The following CACNG3 variants were observed in gnomAD, a reference collection of about 807,000 sequenced individuals.
CACNG3 encodes the protein calcium voltage-gated channel auxiliary subunit gamma 3.
In CACNG3, 3 loss-of-function variants were observed where a neutral mutation model predicts 28.5. The ratio of observed to expected loss-of-function variants is 0.11; its 90% CI spans 0.05 to 0.27. The LOEUF is 0.27. CACNG3 is among the 10% of genes least tolerant of loss of function. The pLI is 1.00. For synonymous variants in CACNG3, 174 were observed against 162.2 expected (o/e 1.07, Z -0.55); for missense variants, 236 against 414.4 (o/e 0.57, Z 3.74).
At chr16:24,293,758 A>G (rs1898995362) in intron 1 of CACNG3, among the ~76,000 whole-genome samples, 1 of 152,096 alleles carries the variant, frequency 6.6e-6, no homozygotes, top group African/African-American at 2.4e-5. Flanking sequence ...AGCTTTCTCA[A>G]GCTGAGGACC....
chr16:24,352,496 C>T (rs1899963518), intron 2 of CACNG3, among the ~76,000 whole-genome samples: 2 of 151,666 alleles, frequency 1.3e-5, no homozygotes, highest in African/African-American at 4.8e-5. Context: ...CTATGAAGGG[C>T]TTTTGCCTGG....
chr16:24,358,690 T>G (rs769268317), intron 3 of CACNG3, among the ~76,000 whole-genome samples: 1 of 152,228 alleles, frequency 6.6e-6, no homozygotes, highest in Non-Finnish European at 1.5e-5. Flanking sequence ...AGATCTTGTT[T>G]TCCCTAAGCC....
chr16:24,258,061 G>A (rs192664983), intron 1 of CACNG3, among the ~76,000 whole-genome samples: 4 of 152,300 alleles, frequency 2.6e-5, no homozygotes, highest in Admixed American at 1.3e-4. Context: ...TGTCACAGTG[G>A]TGGGCAAGGA....
intron 1 of CACNG3, among the ~76,000 whole-genome samples, chr16:24,313,134 G>T (rs1021256295): frequency 6.9e-6 from 1 of 144,844 alleles, no homozygotes. Context: ...AGTAAGCACT[G>T]AATAAATAGT....
rs1596617270 is a variant in CACNG3, at chr16:24,256,996, A to G, written c.211+31A>G. 2.3e-6 allele frequency: 3 copies of G among 1,332,140 alleles called. No individual in the cohort carries two copies. Among genetic ancestry groups the G allele is most frequent in the Non-Finnish European group, 3.2e-6 (3 of 923,440 alleles). The allele number at this position is 1,332,140 out of a possible 1,614,324, so 82.5% of individuals were successfully genotyped here. On this transcript the variant is annotated intron_variant, in intron 1 of 3. Coordinates refer to ENST00000005284, the MANE Select transcript of CACNG3 (RefSeq NM_006539.4). The surrounding 1 kb of genome is among the most constrained non-coding windows in gnomAD (Gnocchi z 4.6). ...TACAATTTCCTCTCAATAGCTCTGA[A>G]TAATCCAGTTCTGATATTCTGGTGG...
chr16:24,313,360 G>T (rs1315289797), intron 1 of CACNG3, among the ~76,000 whole-genome samples: 1 of 152,246 alleles, frequency 6.6e-6, no homozygotes, highest in Non-Finnish European at 1.5e-5. Flanking sequence ...ACAGCTTGAA[G>T]TAATACAGTT....
At chr16:24,263,350 C>T (rs562346929) in intron 1 of CACNG3, among the ~76,000 whole-genome samples, 22 of 152,198 alleles carry the variant, frequency 1.4e-4, no homozygotes, top group Middle Eastern at 3.4e-3. Flanking sequence ...TTGAACAAAA[C>T]TTGACATGAG....
chr16:24,274,165 C>A (rs111257345), intron 1 of CACNG3, among the ~76,000 whole-genome samples: 14 of 140,914 alleles, frequency 9.9e-5, no homozygotes, highest in Non-Finnish European at 1.7e-4. Context: ...CCAGCCTGGG[C>A]GACAGTGCGA....
chr16:24,285,859 T>C (rs2141353205), intron 1 of CACNG3, among the ~76,000 whole-genome samples: 1 of 149,954 alleles, frequency 6.7e-6, no homozygotes, highest in African/African-American at 2.4e-5. Context: ...TTTTTTTTTT[T>C]TTGAGATAGG....
chr16:24,354,931 CACA>C lies in CACNG3; in HGVS notation c.397_399del (p.Asn133del). The stretch of plus-strand genomic sequence containing the variant: ...AGCCAGTGAGTTCCACCGCAGCAGA[CACA>C]ACGTCATTCTCAGCGCGGGCATCTT... On this transcript the variant is annotated inframe_deletion, in exon 3 of 4. Transcript: ENST00000005284. 2.5e-6 allele frequency: 4 copies of C among 1,612,646 alleles called. No individual in the cohort carries two copies. The highest frequency in any genetic ancestry group is 1.1e-5 in the South Asian group (1 of 91,002).
intron 1 of CACNG3, among the ~76,000 whole-genome samples, chr16:24,303,527 T>A (rs1478089430): frequency 6.6e-6 from 1 of 152,086 alleles, no homozygotes. Flanking sequence ...CAGGGAATCT[T>A]CCTTTACTAC....
At chr16:24,272,794 C>A (rs1898707340) in intron 1 of CACNG3, among the ~76,000 whole-genome samples, 1 of 151,928 alleles carries the variant, frequency 6.6e-6, no homozygotes, top group South Asian at 2.1e-4. Flanking sequence ...CCACTTTATT[C>A]TTTTTGGTGC....
rs1899749832 is a variant in CACNG3 at position 24,339,220 on chromosome 16, T to A, written c.212-7514T>A. ...TTGTTTTCTTTGTATTATTTCTCTGTATTGAAAAAATATCATAGTAAATGT... is the reference window on the plus strand; with the variant it reads ...TTGTTTTCTTTGTATTATTTCTCTGAATTGAAAAAATATCATAGTAAATGT... On this transcript the variant is annotated intron_variant, in intron 1 of 3. Transcript: ENST00000005284. Among the ~76,000 whole-genome samples, 2 of 152,170 alleles carry A rather than the reference T, an allele frequency of 1.3e-5. 1 individual carries two copies. The highest frequency in any genetic ancestry group is 4.8e-5 in the African/African-American group (2 of 41,442).
intron 1 of CACNG3, among the ~76,000 whole-genome samples, chr16:24,310,540 G>A (rs1180334950): frequency 6.6e-6 from 1 of 151,208 alleles, no homozygotes; most frequent in Non-Finnish European, 1.5e-5. Context: ...CTCCAGCCTG[G>A]GTGGCAGAGC....
At chr16:24,305,788 T>A (rs1394765977) in intron 1 of CACNG3, among the ~76,000 whole-genome samples, 1 of 152,106 alleles carries the variant, frequency 6.6e-6, no homozygotes, top group East Asian at 1.9e-4. Flanking sequence ...ATTCTGCACA[T>A]GTATCCCAGA....
intron 1 of CACNG3, among the ~76,000 whole-genome samples, chr16:24,345,868 G>A (rs1009567257): frequency 6.6e-6 from 1 of 152,172 alleles, no homozygotes; most frequent in African/African-American, 2.4e-5. Flanking sequence ...AACATCATTG[G>A]GGAGAGTGGA....
intron 3 of CACNG3, among the ~76,000 whole-genome samples, chr16:24,355,201 G>A (rs974938284): frequency 4.6e-5 from 7 of 152,166 alleles, no homozygotes; most frequent in Admixed American, 1.3e-4. Context: ...GGCACGATCA[G>A]CTGAGATTGA....
At chr16:24,322,103 T>C (rs1017822887) in intron 1 of CACNG3, among the ~76,000 whole-genome samples, 6 of 152,024 alleles carry the variant, frequency 3.9e-5, no homozygotes, top group African/African-American at 1.5e-4. Context: ...GGAACCTGAA[T>C]TGGAAACCAG....
At position 24,344,680 on chromosome 16, in the gene CACNG3, A is replaced by G. The variant is rs548189309; in HGVS notation, c.212-2054A>G. Among the ~76,000 whole-genome samples, 3 of 152,252 alleles carry G rather than the reference A, an allele frequency of 2.0e-5. No homozygotes were observed. In the South Asian group the frequency reaches 6.2e-4, roughly 32 times the overall value. On this transcript the variant is annotated intron_variant, in intron 1 of 3. Coordinates refer to ENST00000005284, the MANE Select transcript of CACNG3 (RefSeq NM_006539.4). ...GAACCTCCTTCCTGGTTCTGAGTCT[A>G]TTATTTGCCTGGTAAGCGGAGAATC...
Sources: allele counts gnomAD v4.1 joint callset (sites outside exome capture counted in the v4.1 genomes callset), GRCh38; gene constraint gnomAD v4.1.1; non-coding constraint Gnocchi (gnomAD v3.1); transcripts MANE v1.5; gene names NCBI Gene and HGNC (gene_info 2026-07-23, HGNC 2026-07-21).